Variants in PCOLCE2 observed in about 807,000 individuals in gnomAD.
PCOLCE2 encodes procollagen C-proteinase enhancer 2.
A neutral mutation model predicts 47.0 loss-of-function variants in PCOLCE2; 42 were observed. The observed-to-expected ratio is 0.89, with a 90% CI of 0.70 to 1.16. The LOEUF (loss-of-function observed/expected upper bound fraction) is 1.16, where lower values mean the gene tolerates loss of function less well. Among genes scored for constraint, PCOLCE2 ranks in the 50% most tolerant of loss-of-function variants. PCOLCE2 has a pLI of 0.00. For synonymous variants in PCOLCE2, 169 were observed against 191.7 expected (o/e 0.88, Z 0.98); for missense variants, 500 against 526.1 (o/e 0.95, Z 0.49).
At chr3:142,825,081 T>C (rs1026385505) in intron 6 of PCOLCE2, among the ~76,000 whole-genome samples, 1 of 152,158 alleles carries the variant, frequency 6.6e-6, no homozygotes, top group Non-Finnish European at 1.5e-5. Context: ...TCAGAAGATG[T>C]TTGGAAGGGA....
At chr3:142,858,673 C>T (rs1933118905) in intron 2 of PCOLCE2, among the ~76,000 whole-genome samples, 3 of 152,032 alleles carry the variant, frequency 2.0e-5, no homozygotes, top group Admixed American at 2.0e-4. Context: ...TATGCCCGTC[C>T]CAAGCAGTCT....
chr3:142,829,907 T>A, intron 5 of PCOLCE2, 61 bp from the exon 6 acceptor site: 2 of 982,980 alleles, frequency 2.0e-6, no homozygotes, highest in Non-Finnish European at 3.0e-6. Context: ...TCTGAAAATG[T>A]AAAATTTTCT....
chr3:142,830,631 G>A (rs913023786), intron 5 of PCOLCE2, among the ~76,000 whole-genome samples: 2 of 152,192 alleles, frequency 1.3e-5, no homozygotes, highest in Non-Finnish European at 2.9e-5. Flanking sequence ...TTCCTGGTTA[G>A]CTGGCACTAA....
intron 6 of PCOLCE2, among the ~76,000 whole-genome samples, chr3:142,828,540 G>C (rs1051211088): frequency 6.6e-6 from 1 of 152,306 alleles, no homozygotes; most frequent in Middle Eastern, 3.4e-3. Flanking sequence ...AGAAAAGATA[G>C]AGGATATCAA....
chr3:142,845,865 C>T (rs1235477515), intron 3 of PCOLCE2, among the ~76,000 whole-genome samples: 2 of 152,070 alleles, frequency 1.3e-5, no homozygotes, highest in East Asian at 3.9e-4. Flanking sequence ...ATCCCAGCTG[C>T]TTGAGAGGTT....
Position 142,888,847 on chromosome 3 carries a change from G to A in PCOLCE2, c.50C>T (p.Ala17Val). The change falls in exon 1 of 9, where the codon GCC becomes GTC. Residue 17 changes from alanine (A) to valine (V), a missense_variant. Transcript: ENST00000295992. ...WAPLCLLLAA[A>V]TQLSRQQSPE... Reference sequence around the variant, plus strand: ...GGACTGCTGCCGCGAGAGCTGGGTGGCGGCAGCCAGCAGCAGGCAGAGTGG... The same window carrying A: ...GGACTGCTGCCGCGAGAGCTGGGTGACGGCAGCCAGCAGCAGGCAGAGTGG... 2 of 1,546,418 alleles carry A rather than the reference G, an allele frequency of 1.3e-6. No individual in the cohort carries two copies. Among genetic ancestry groups the A allele is most frequent in the East Asian group, 2.6e-5 (1 of 38,376 alleles).
chr3:142,825,553 A>C (rs1469609981), intron 6 of PCOLCE2, among the ~76,000 whole-genome samples: 2 of 152,006 alleles, frequency 1.3e-5, no homozygotes, highest in Non-Finnish European at 2.9e-5. Flanking sequence ...ATGGCTGTTC[A>C]TTGCCAGTCT....
chr3:142,830,276 A>T (rs1426036714), intron 5 of PCOLCE2, among the ~76,000 whole-genome samples: 1 of 152,202 alleles, frequency 6.6e-6, no homozygotes, highest in Non-Finnish European at 1.5e-5. Flanking sequence ...GAAAAGGCAG[A>T]TTCTCTGAAC....
chr3:142,838,770 G>A lies in PCOLCE2; in HGVS notation c.710C>T (p.Ala237Val), dbSNP rs532109090. ...IGKYCGDSPP[A>V]PIVSERNELL... ...AAAGACATAAATAGGTGCTACTTAC[G>A]CAGGTGGACTATCACCACAATACTT... Residue 237 changes from alanine (A) to valine (V), a missense_variant and splice_region_variant, in exon 5 of 9, where the codon GCG (alanine) becomes GTG (valine). Coordinates refer to ENST00000295992, the MANE Select transcript of PCOLCE2 (RefSeq NM_013363.4). The A allele has an allele frequency of 4.5e-5, 73 of 1,612,874 alleles. No homozygotes were observed. The highest frequency in any genetic ancestry group is 1.5e-4 in the South Asian group (14 of 90,966).
intron 1 of PCOLCE2, among the ~76,000 whole-genome samples, chr3:142,887,982 C>T (rs1247314835): frequency 6.6e-6 from 1 of 152,218 alleles, no homozygotes; most frequent in Admixed American, 6.5e-5. Flanking sequence ...CCAGCGCCAT[C>T]TGTCTCCATC....
rs925093447 is a variant in PCOLCE2 at position 142,849,219 on chromosome 3, T to C, written c.193-747A>G. On this transcript the variant is annotated intron_variant, in intron 2 of 8. Transcript: ENST00000295992. Reference sequence around the variant, plus strand: ...GCATTCAATGCCTGTGTATAGAATGTTTCTATGAAGTTCAAAATAGAGGAT... The same window carrying C: ...GCATTCAATGCCTGTGTATAGAATGCTTCTATGAAGTTCAAAATAGAGGAT... 2.0e-5 allele frequency among the ~76,000 whole-genome samples: 3 copies of C among 152,310 alleles called. No individual in the cohort carries two copies. In the East Asian group the frequency reaches 5.8e-4, roughly 29 times the overall value.
chr3:142,887,025 C>G (rs1933728301), intron 2 of PCOLCE2, among the ~76,000 whole-genome samples: 1 of 152,180 alleles, frequency 6.6e-6, no homozygotes, highest in South Asian at 2.1e-4. Context: ...ATGACTCACT[C>G]TAGTTGACTC....
At chr3:142,825,050 TA>T (rs1361498786) in intron 6 of PCOLCE2, among the ~76,000 whole-genome samples, 1 of 152,162 alleles carries the variant, frequency 6.6e-6, no homozygotes, top group African/African-American at 2.4e-5. Flanking sequence ...TATGCATTTT[TA>T]AAAAAGGGAG....
Position 142,823,590 on chromosome 3 carries a change from A to G in PCOLCE2, c.891T>C (p.Cys297=), listed in dbSNP as rs367836435. The change falls in exon 7 of 9, where the codon TGT becomes TGC. Residue 297 remains cysteine (C), a synonymous_variant. Transcript: ENST00000295992. ...TTGLKPTVAL[C]QQKCRRTGTL... ...TCCCCGTCCGTCTACACTTTTGTTGACACAAGGCCACGGTGGGTTTTAAAC... is the reference window on the plus strand; with the variant it reads ...TCCCCGTCCGTCTACACTTTTGTTGGCACAAGGCCACGGTGGGTTTTAAAC... 1.5e-5 allele frequency: 24 copies of G among 1,609,344 alleles called. No individual in the cohort carries two copies. Among genetic ancestry groups the G allele is most frequent in the Non-Finnish European group, 1.9e-5 (22 of 1,175,956 alleles).
At chr3:142,887,617 C>A in intron 2 of PCOLCE2, 52 bp downstream of exon 2, 1 of 897,888 alleles carries the variant, frequency 1.1e-6, no homozygotes, top group Non-Finnish European at 1.9e-6. Flanking sequence ...AGCAGCCTCA[C>A]ACTGTTGCCA....
chr3:142,821,253 A>G (rs1436989200), intron 7 of PCOLCE2, among the ~76,000 whole-genome samples: 1 of 152,200 alleles, frequency 6.6e-6, no homozygotes, highest in African/African-American at 2.4e-5. Context: ...TTGGGGATTG[A>G]TAACTAGAAG....
At chr3:142,862,506 T>C (rs927505047) in intron 2 of PCOLCE2, among the ~76,000 whole-genome samples, 30 of 152,318 alleles carry the variant, frequency 2.0e-4, no homozygotes, top group African/African-American at 6.0e-4. Flanking sequence ...TCCCTTACTG[T>C]AATTTTGGTG....
intron 8 of PCOLCE2, among the ~76,000 whole-genome samples, chr3:142,819,807 G>A (rs77161711): frequency 0.19 from 28,111 of 151,864 alleles, 2,613 homozygotes; most frequent in Non-Finnish European, 0.2. Flanking sequence ...CACCACACCC[G>A]GCTAAATTTT....
intron 2 of PCOLCE2, among the ~76,000 whole-genome samples, chr3:142,854,564 G>A (rs959298622): frequency 1.3e-5 from 2 of 152,172 alleles, no homozygotes; most frequent in African/African-American, 2.4e-5. Flanking sequence ...TATTTTGATT[G>A]TAGAAATAAC....
Sources: gnomAD v4.1 joint callset for allele counts (sites outside exome capture counted in the v4.1 genomes callset) on GRCh38, gnomAD v4.1.1 for gene constraint, MANE v1.5 for transcripts, NCBI Gene and HGNC (gene_info 2026-07-23, HGNC 2026-07-21) for gene names.